The following KIF13B variants were observed in gnomAD, a reference collection of about 807,000 sequenced individuals.
The protein encoded by KIF13B is kinesin-like protein KIF13B.
A neutral mutation model predicts 222.0 loss-of-function variants in KIF13B; 127 were observed. That is an observed-to-expected ratio of 0.57 (90% confidence interval 0.50 to 0.66). KIF13B has a LOEUF of 0.66. KIF13B is among the 30% of genes least tolerant of loss of function. The probability of loss-of-function intolerance (pLI) is 0.00; values close to 1 mark genes in which losing one functional copy is unlikely to be tolerated. For synonymous variants in KIF13B, 976 were observed against 919.0 expected, an observed-to-expected ratio of 1.06 and a Z score of -1.12; for missense variants, 2,173 against 2,379.0, an observed-to-expected ratio of 0.91 and a Z score of 1.80.
At chr8:29,262,860 C>G (rs978606937) in intron 1 of KIF13B, 120 bp downstream of exon 1, 3 of 738,664 alleles carry the variant, frequency 4.1e-6, no homozygotes, top group Non-Finnish European at 6.1e-6. Flanking sequence ...CGGGCCCCTC[C>G]TCGCGCCCCG....
chr8:29,212,545 AAAGATT>A (rs1814277996), intron 2 of KIF13B, among the ~76,000 whole-genome samples: 1 of 152,174 alleles, frequency 6.6e-6, no homozygotes, highest in African/African-American at 2.4e-5. Flanking sequence ...AGACTATTAT[AAAGATT>A]AATTCCTATC....
chr8:29,101,626 C>T (rs759015396), intron 35 of KIF13B, among the ~76,000 whole-genome samples: 3 of 152,150 alleles, frequency 2.0e-5, no homozygotes, highest in Non-Finnish European at 4.4e-5. Context: ...ATACACAATG[C>T]GTAGATCCTG....
rs1477317989 is a variant in KIF13B at position 29,099,065 on chromosome 8, T to C, written c.4324+68A>G. The C allele has an allele frequency of 3.2e-6, 4 of 1,254,040 alleles. No individual in the cohort carries two copies. In the African/African-American group the frequency reaches 4.4e-5, roughly 14 times the overall value. The allele number at this position is 1,254,040 out of a possible 1,614,324, so 77.7% of individuals were successfully genotyped here. ...GAACAGTGGCTGCCTGGCAGGAAAT[T>C]CTAATTTAAACTTTCTGAAAGATGC... On this transcript the variant is annotated intron_variant, in intron 36 of 39. Transcript: ENST00000524189.
chr8:29,241,707 A>G (rs929589278), intron 2 of KIF13B, among the ~76,000 whole-genome samples: 23 of 65,450 alleles, frequency 3.5e-4, no homozygotes, highest in South Asian at 1.9e-3. Context: ...CAAGGGAGGG[A>G]AAAAAAAAAA....
At chr8:29,114,984 T>C (rs1248277885) in intron 31 of KIF13B, among the ~76,000 whole-genome samples, 1 of 152,216 alleles carries the variant, frequency 6.6e-6, no homozygotes, top group African/African-American at 2.4e-5. Context: ...AGTGAATGGG[T>C]GCATACCGTA....
chr8:29,070,263 G>C lies in KIF13B; in HGVS notation c.*241C>G, dbSNP rs907012104. ...AGTCCTAGCATCCCCCAGCCCCTGC[G>C]GGCACCCAGAACCTTCCATCCACCT... On this transcript the variant is annotated 3_prime_UTR_variant, in exon 40 of 40. Transcript: ENST00000524189. The surrounding 1 kb of genome is among the most constrained non-coding windows in gnomAD (Gnocchi z 4.1). The C allele has an allele frequency of 3.5e-6, 2 of 566,216 alleles. No individual in the cohort carries two copies. The highest frequency in any genetic ancestry group is 6.3e-5 in the East Asian group (2 of 31,920). The allele number at this position is 566,216 out of a possible 1,614,324, so 35.1% of individuals were successfully genotyped here. A position where few individuals can be genotyped will look rare whatever the true frequency, so the allele number is the denominator to read the frequency against.
chr8:29,090,776 C>G (rs1053737019), intron 37 of KIF13B, among the ~76,000 whole-genome samples: 2 of 152,334 alleles, frequency 1.3e-5, no homozygotes, highest in South Asian at 2.1e-4. Context: ...GTGGCATGAT[C>G]TTGGCTCACT....
chr8:29,242,318 A>G (rs1214267024), intron 2 of KIF13B, among the ~76,000 whole-genome samples: 1 of 152,218 alleles, frequency 6.6e-6, no homozygotes, highest in African/African-American at 2.4e-5. Context: ...CCATGGTGAC[A>G]GGCATTAATG....
chr8:29,079,464 C>T (rs1321330779), intron 37 of KIF13B, among the ~76,000 whole-genome samples: 2 of 152,244 alleles, frequency 1.3e-5, no homozygotes, highest in Non-Finnish European at 2.9e-5. Flanking sequence ...ACAGCTCATT[C>T]ATCCCTGTAT....
chr8:29,155,660 T>C, intron 14 of KIF13B, 66 bp downstream of exon 14: 1 of 1,403,204 alleles, frequency 7.1e-7, no homozygotes, highest in Non-Finnish European at 9.9e-7. Context: ...AGGCCACTGT[T>C]GCCACTAGAG....
chr8:29,077,352 GCCACGCAGT>G (rs1807612041), intron 37 of KIF13B, among the ~76,000 whole-genome samples: 1 of 152,216 alleles, frequency 6.6e-6, no homozygotes, highest in African/African-American at 2.4e-5. Flanking sequence ...GTCCCACACT[GCCACGCAGT>G]CCTCGCATGC....
At chr8:29,109,640 G>A (rs1029385310) in intron 33 of KIF13B, 129 bp from the exon 34 acceptor site, 9 of 817,552 alleles carry the variant, frequency 1.1e-5, no homozygotes, top group East Asian at 2.4e-5. Flanking sequence ...ATGCTGTTAC[G>A]TGATTATTAC....
chr8:29,102,503 C>G (rs1808839473), intron 35 of KIF13B, among the ~76,000 whole-genome samples: 1 of 152,230 alleles, frequency 6.6e-6, no homozygotes, highest in African/African-American at 2.4e-5. Flanking sequence ...TGCTCAGGGG[C>G]AAAGTGGACA....
chr8:29,219,681 A>C (rs753317299), intron 2 of KIF13B, among the ~76,000 whole-genome samples: 13 of 152,072 alleles, frequency 8.5e-5, no homozygotes, highest in Non-Finnish European at 1.5e-4. Context: ...TGAGTCGGGG[A>C]GGCAGAGGCT....
At position 29,067,447 on chromosome 8, in the gene KIF13B, C is replaced by T. The variant is rs1807049020; in HGVS notation, c.*3057G>A. On this transcript the variant is annotated 3_prime_UTR_variant, in exon 40 of 40. Coordinates refer to ENST00000524189, the MANE Select transcript of KIF13B (RefSeq NM_015254.4). ...TTTTAAACTCCCATTTACTGTGTAC[C>T]AAATCAATATAATCACAGAATCAAA... is the stretch of plus-strand genomic sequence containing the variant. 6.6e-6 allele frequency: 1 copy of T among 152,468 alleles called. No homozygotes were observed. The highest frequency in any genetic ancestry group is 2.4e-5 in the African/African-American group (1 of 41,400). The allele number at this position is 152,468 out of a possible 1,614,324, so 9.4% of individuals were successfully genotyped here.
intron 14 of KIF13B, 121 bp from the exon 15 acceptor site, chr8:29,150,504 G>A (rs138063155): frequency 1.7e-6 from 1 of 574,742 alleles, no homozygotes; most frequent in Non-Finnish European, 3.1e-6. Flanking sequence ...AACACAACCT[G>A]TTCTTGGTGA....
chr8:29,129,572 G>C (rs377715820), intron 24 of KIF13B, among the ~76,000 whole-genome samples: 1 of 151,896 alleles, frequency 6.6e-6, no homozygotes, highest in African/African-American at 2.4e-5. Context: ...AGCGATTCTA[G>C]TATTTTACTG....
At chr8:29,115,413 G>A (rs1057383229) in intron 31 of KIF13B, among the ~76,000 whole-genome samples, 17 of 149,696 alleles carry the variant, frequency 1.1e-4, no homozygotes, top group African/African-American at 3.5e-4. Flanking sequence ...CGCAACCTCC[G>A]CCTCCCGGGT....
intron 2 of KIF13B, among the ~76,000 whole-genome samples, chr8:29,240,397 AAAG>A (rs1157676710): frequency 8.5e-5 from 13 of 152,086 alleles, no homozygotes; most frequent in East Asian, 1.9e-4. Context: ...AATACAAGGG[AAAG>A]AAGAAGATCA....
Sources: gnomAD v4.1 joint callset for allele counts (sites outside exome capture counted in the v4.1 genomes callset) on GRCh38, gnomAD v4.1.1 for gene constraint, Gnocchi (gnomAD v3.1) non-coding constraint, MANE v1.5 for transcripts, NCBI Gene and HGNC (gene_info 2026-07-23, HGNC 2026-07-21) for gene names.